Variants in DIPK1A observed in about 807,000 individuals in gnomAD.
The protein encoded by DIPK1A is family with sequence similarity 69 member A.
Under a neutral mutation model 40.8 loss-of-function variants are expected in DIPK1A, and 27 were observed. That is an observed-to-expected ratio of 0.66 (90% CI 0.49 to 0.91). DIPK1A has a LOEUF of 0.91. Ranked by LOEUF, DIPK1A falls within the 40% of genes least tolerant of loss-of-function variation. The pLI is 0.00. For synonymous variants in DIPK1A, 166 were observed against 171.3 expected, an observed-to-expected ratio of 0.97 and a Z score of 0.24; for missense variants, 412 against 505.7, an observed-to-expected ratio of 0.81 and a Z score of 1.78.
At chr1:92,858,656 A>T (rs1023007746) in intron 2 of DIPK1A, among the ~76,000 whole-genome samples, 2 of 152,214 alleles carry the variant, frequency 1.3e-5, no homozygotes, top group Non-Finnish European at 2.9e-5. Flanking sequence ...GCATTCAGCT[A>T]CAAGACAAAT....
At chr1:92,914,072 G>GT (rs1416722033) in intron 1 of DIPK1A, among the ~76,000 whole-genome samples, 1 of 151,614 alleles carries the variant, frequency 6.6e-6, no homozygotes, top group Non-Finnish European at 1.5e-5. Flanking sequence ...TTTCTCAGTT[G>GT]TCTCTCTCTC....
intron 1 of DIPK1A, among the ~76,000 whole-genome samples, chr1:92,940,306 A>T (rs1651103485): frequency 6.6e-6 from 1 of 152,234 alleles, no homozygotes; most frequent in African/African-American, 2.4e-5. Flanking sequence ...CCTGTTTAGA[A>T]CATGGCTATT....
intron 1 of DIPK1A, among the ~76,000 whole-genome samples, chr1:92,908,654 G>A (rs1323539232): frequency 6.6e-6 from 1 of 152,182 alleles, no homozygotes; most frequent in African/African-American, 2.4e-5. Context: ...CAGACATAGA[G>A]CATTAGGAGC....
chr1:92,882,185 C>G (rs886208228), intron 1 of DIPK1A, among the ~76,000 whole-genome samples: 4 of 152,106 alleles, frequency 2.6e-5, no homozygotes, highest in African/African-American at 9.7e-5. Flanking sequence ...GTCAGGAGTT[C>G]GAGGCCAGCC....
chr1:92,833,898 G>A, intron 4 of DIPK1A: 1 of 521,474 alleles, frequency 1.9e-6, no homozygotes. Flanking sequence ...TTGAGCCCAG[G>A]AGTTTGAGAC....
At chr1:92,834,201 C>T (rs996597459) in intron 4 of DIPK1A, among the ~76,000 whole-genome samples, 7 of 152,182 alleles carry the variant, frequency 4.6e-5, no homozygotes, top group Non-Finnish European at 7.4e-5. Flanking sequence ...CCTATATGGC[C>T]TTATATGCCA....
chr1:92,897,442 T>G, intron 1 of DIPK1A, among the ~76,000 whole-genome samples: 2 of 149,738 alleles, frequency 1.3e-5, no homozygotes, highest in African/African-American at 4.9e-5. Context: ...CACTCATAGG[T>G]GGGAATTGAA....
intron 1 of DIPK1A, among the ~76,000 whole-genome samples, chr1:92,927,719 G>A (rs1235971998): frequency 1.3e-5 from 2 of 152,040 alleles, no homozygotes; most frequent in Admixed American, 1.3e-4. Flanking sequence ...TACAATATGT[G>A]GTCTTCTGTG....
chr1:92,897,353 T>C lies in DIPK1A; in HGVS notation c.55-20923A>G, dbSNP rs749413838. On this transcript the variant is annotated intron_variant, in intron 1 of 4. Coordinates refer to ENST00000370310, the MANE Select transcript of DIPK1A (RefSeq NM_001006605.5). ...AAAAAGGATGAGTTCATGTCCTTTG[T>C]AGGGACATGGATGAAGCTGGAAACC... Among the ~76,000 whole-genome samples, 105 of 151,996 alleles carry C rather than the reference T, an allele frequency of 6.9e-4. 1 individual carries two copies. The highest frequency in any genetic ancestry group is 1.2e-3 in the Non-Finnish European group (79 of 67,998).
At chr1:92,948,830 G>A (rs956393380) in intron 1 of DIPK1A, among the ~76,000 whole-genome samples, 4 of 149,748 alleles carry the variant, frequency 2.7e-5, no homozygotes, top group African/African-American at 9.9e-5. Flanking sequence ...CTGAGGTGGA[G>A]TTTCACTCTT....
intron 1 of DIPK1A, among the ~76,000 whole-genome samples, chr1:92,882,233 C>A (rs527251286): frequency 3.9e-5 from 6 of 152,108 alleles, no homozygotes; most frequent in African/African-American, 1.4e-4. Context: ...ATTAAAAATA[C>A]AAAAATTAGC....
chr1:92,854,577 A>G (rs1411706), intron 2 of DIPK1A, among the ~76,000 whole-genome samples: 139,520 of 152,300 alleles, frequency 0.92, 63,952 homozygotes, highest in East Asian at 0.96. Context: ...ACACCAAGGC[A>G]CTGTTGCCCT....
rs1338149701 is a variant in DIPK1A at position 92,843,463 on chromosome 1, T to C, written c.1207A>G (p.Met403Val). The C allele has an allele frequency of 3.2e-6, 5 of 1,551,500 alleles. No homozygotes were observed. Among genetic ancestry groups the C allele is most frequent in the South Asian group, 2.4e-5 (2 of 84,038 alleles). ...CIALKVTANQMEMEHSLILNN... is the reference protein window; with the variant it reads ...CIALKVTANQVEMEHSLILNN... ...AGTATCAAAGAATGTTCCATTTCCATTTGATTTGCTGTGACTTTGAGAGCA... is the reference window on the plus strand; with the variant it reads ...AGTATCAAAGAATGTTCCATTTCCACTTGATTTGCTGTGACTTTGAGAGCA... The change falls in exon 5 of 5, where the codon ATG (methionine) becomes GTG (valine). Residue 403 changes from methionine (M) to valine (V), a missense_variant. Transcript: ENST00000370310.
At chr1:92,837,785 T>C (rs1687186410), downstream of DIPK1A, 1 of 688,926 alleles carries the variant, frequency 1.5e-6, no homozygotes, top group Admixed American at 2.3e-5. Context: ...TTTTAGATGC[T>C]CAAGTGTGGG....
chr1:92,845,142 T>C (rs899091857), intron 4 of DIPK1A, among the ~76,000 whole-genome samples: 1 of 149,998 alleles, frequency 6.7e-6, no homozygotes, highest in African/African-American at 2.4e-5. Context: ...AGAGACGGGG[T>C]TTCACCATGT....
At chr1:92,880,713 A>C in intron 1 of DIPK1A, among the ~76,000 whole-genome samples, 1 of 151,564 alleles carries the variant, frequency 6.6e-6, no homozygotes, top group South Asian at 2.1e-4. Context: ...CTAAAAATAC[A>C]AAAAAAATTG....
At chr1:92,852,434 A>G (rs898928738) in intron 2 of DIPK1A, among the ~76,000 whole-genome samples, 4 of 151,676 alleles carry the variant, frequency 2.6e-5, no homozygotes, top group Non-Finnish European at 5.9e-5. Context: ...GCGGGGGCGG[A>G]GGTTGCAGTG....
At chr1:92,888,200 T>C (rs1648701171) in intron 1 of DIPK1A, among the ~76,000 whole-genome samples, 1 of 152,072 alleles carries the variant, frequency 6.6e-6, no homozygotes, top group Non-Finnish European at 1.5e-5. Flanking sequence ...CCCCTTACCC[T>C]TCCCCACCTC....
intron 3 of DIPK1A, among the ~76,000 whole-genome samples, chr1:92,849,953 C>T (rs1164541813): frequency 1.3e-5 from 2 of 151,876 alleles, no homozygotes; most frequent in Non-Finnish European, 2.9e-5. Flanking sequence ...ACGGGCCCGG[C>T]TGTTTGTATT....
Sources: allele counts gnomAD v4.1 joint callset (sites outside exome capture counted in the v4.1 genomes callset), GRCh38; gene constraint gnomAD v4.1.1; transcripts MANE v1.5; gene names NCBI Gene and HGNC (gene_info 2026-07-23, HGNC 2026-07-21).